ANO4: variants seen among roughly 807,000 people sequenced by gnomAD.
ANO4 encodes anoctamin-4.
Under a neutral mutation model 141.9 loss-of-function variants are expected in ANO4, and 69 were observed. The ratio of observed to expected loss-of-function variants is 0.49; its 90% CI spans 0.40 to 0.59. The LOEUF (loss-of-function observed/expected upper bound fraction) is 0.59. Ranked by LOEUF, ANO4 falls within the 20% of genes least tolerant of loss-of-function variation. ANO4 has a pLI of 0.00. For synonymous variants in ANO4, 350 were observed against 394.3 expected (o/e 0.89, Z 1.33); for missense variants, 894 against 1,162.2 (o/e 0.77, Z 3.36).
At chr12:100,907,705 T>A (rs2040910832) in intron 2 of ANO4, among the ~76,000 whole-genome samples, 1 of 152,234 alleles carries the variant, frequency 6.6e-6, no homozygotes, top group African/African-American at 2.4e-5. Context: ...ATCCTTCAGT[T>A]GTTTAAGAAA....
intron 1 of ANO4, among the ~76,000 whole-genome samples, chr12:100,799,453 A>G (rs1224831938): frequency 6.6e-6 from 1 of 152,182 alleles, no homozygotes; most frequent in East Asian, 1.9e-4. Flanking sequence ...ATTATCAAAA[A>G]GGACCTTGGC....
rs547669481 is a variant in ANO4 at position 100,998,632 on chromosome 12, C to A, written c.734+10962C>A. 2.6e-5 allele frequency among the ~76,000 whole-genome samples: 4 copies of A among 152,214 alleles called. No homozygotes were observed. In the East Asian group the frequency reaches 5.8e-4, roughly 22 times the overall value. Reference sequence around the variant, plus strand: ...CATCTCTATACGTCAATGCATAAAGCCCTTCGTCATTTTATATCTTATCAC... The same window carrying A: ...CATCTCTATACGTCAATGCATAAAGACCTTCGTCATTTTATATCTTATCAC... On this transcript the variant is annotated intron_variant, in intron 8 of 27. Coordinates refer to ENST00000392977, the MANE Select transcript of ANO4 (RefSeq NM_001286615.2).
At chr12:100,878,796 G>A (rs1389391320) in intron 1 of ANO4, among the ~76,000 whole-genome samples, 4 of 152,144 alleles carry the variant, frequency 2.6e-5, no homozygotes, top group African/African-American at 9.7e-5. Flanking sequence ...CTTTCAAAAA[G>A]CGAAGAGAAT....
chr12:100,940,607 A>C (rs1380854545), intron 4 of ANO4, among the ~76,000 whole-genome samples: 1 of 152,218 alleles, frequency 6.6e-6, no homozygotes, highest in Non-Finnish European at 1.5e-5. Flanking sequence ...AAATGTCTAC[A>C]TCAAGACATG....
At chr12:100,728,979 C>G (rs1485973451) in intron 1 of ANO4, among the ~76,000 whole-genome samples, 21 of 152,020 alleles carry the variant, frequency 1.4e-4, no homozygotes. Flanking sequence ...TTTCATAACG[C>G]AAACTCACTT....
chr12:100,855,479 C>T (rs1272981433), intron 1 of ANO4, among the ~76,000 whole-genome samples: 2 of 152,084 alleles, frequency 1.3e-5, no homozygotes, highest in South Asian at 2.1e-4. Context: ...TTATAACTCT[C>T]TTCTGGTTTA....
chr12:101,127,055 C>T lies in ANO4; in HGVS notation c.2853C>T (p.His951=). ...GGAAGAAGAATGGAAAAGCACACCA[C>T]AACGAGTGGCCGTGACCATGTAGGT... ...KERKKNGKAH[H]NEWP is the part of the protein sequence containing the mutation. The change falls in exon 27 of 28, where the codon CAC becomes CAT. Residue 951 remains histidine, a synonymous_variant. Transcript: ENST00000392977. 2 of 1,613,306 alleles carry T rather than the reference C, an allele frequency of 1.2e-6. No homozygotes were observed. The highest frequency in any genetic ancestry group is 1.7e-6 in the Non-Finnish European group (2 of 1,179,594).
intron 3 of ANO4, among the ~76,000 whole-genome samples, chr12:100,930,798 T>A (rs1333157018): frequency 6.6e-6 from 1 of 152,120 alleles, no homozygotes; most frequent in Non-Finnish European, 1.5e-5. Flanking sequence ...GTAAAATGTA[T>A]TTTTCCCCAA....
chr12:100,998,393 A>ATCTC (rs1196943281), intron 8 of ANO4, among the ~76,000 whole-genome samples: 2 of 151,520 alleles, frequency 1.3e-5, no homozygotes, highest in Non-Finnish European at 2.9e-5. Context: ...CTATCTATCT[A>ATCTC]TCTATCTATC....
intron 2 of ANO4, among the ~76,000 whole-genome samples, chr12:100,908,347 CAA>C (rs954635287): frequency 6.6e-6 from 1 of 151,858 alleles, no homozygotes; most frequent in Non-Finnish European, 1.5e-5. Context: ...AACTCTGTCT[CAA>C]AAAAACAAAA....
At chr12:101,040,926 C>T (rs1026740029) in intron 11 of ANO4, among the ~76,000 whole-genome samples, 6 of 152,266 alleles carry the variant, frequency 3.9e-5, no homozygotes, top group South Asian at 4.1e-4. Context: ...CTGCAAAGGA[C>T]ATGAACTCAT....
chr12:101,100,907 A>T (rs1249971581), intron 22 of ANO4, among the ~76,000 whole-genome samples: 1 of 152,240 alleles, frequency 6.6e-6, no homozygotes, highest in African/African-American at 2.4e-5. Context: ...CACAAATGTA[A>T]CCAAATATAT....
At chr12:100,927,404 C>T (rs1372425620) in intron 3 of ANO4, among the ~76,000 whole-genome samples, 1 of 152,030 alleles carries the variant, frequency 6.6e-6, no homozygotes, top group Non-Finnish European at 1.5e-5. Context: ...AGTGCCTACT[C>T]AAATCTTATG....
chr12:101,124,526 C>T (rs1369066168), intron 26 of ANO4, among the ~76,000 whole-genome samples: 1 of 152,082 alleles, frequency 6.6e-6, no homozygotes. Flanking sequence ...TTGGTGTTTT[C>T]ATCATGAAAT....
chr12:100,760,205 C>T (rs953346281), intron 3 of ANO4, among the ~76,000 whole-genome samples: 3 of 152,160 alleles, frequency 2.0e-5, no homozygotes, highest in East Asian at 1.9e-4. Flanking sequence ...TTTGGAGTGA[C>T]GTTTAGGAGA....
At chr12:100,863,220 C>G (rs991975000) in intron 1 of ANO4, among the ~76,000 whole-genome samples, 2 of 152,038 alleles carry the variant, frequency 1.3e-5, no homozygotes, top group African/African-American at 2.4e-5. Flanking sequence ...GCTTTTTGGT[C>G]AGTGTTATTT....
chr12:100,850,113 G>A (rs75327303), intron 1 of ANO4, among the ~76,000 whole-genome samples: 3,542 of 152,256 alleles, frequency 0.023, 136 homozygotes, highest in African/African-American at 0.079. Context: ...TAAATTAATC[G>A]TTTATTTAGG....
At chr12:101,064,944 G>A (rs969714135) in intron 14 of ANO4, among the ~76,000 whole-genome samples, 1 of 152,034 alleles carries the variant, frequency 6.6e-6, no homozygotes, top group Non-Finnish European at 1.5e-5. Flanking sequence ...TAGTCATTTC[G>A]TAGCCGTCTT....
intron 5 of ANO4, among the ~76,000 whole-genome samples, chr12:100,945,988 A>G (rs1420775573): frequency 3.9e-5 from 6 of 152,252 alleles, no homozygotes; most frequent in Non-Finnish European, 5.9e-5. Context: ...AGTAAGTGCT[A>G]AAGAGAAAAA....
Sources: gnomAD v4.1 joint callset for allele counts (sites outside exome capture counted in the v4.1 genomes callset) on GRCh38, gnomAD v4.1.1 for gene constraint, MANE v1.5 for transcripts, NCBI Gene and HGNC (gene_info 2026-07-23, HGNC 2026-07-21) for gene names.